MYLK: variants seen among roughly 807,000 people sequenced by gnomAD.
MYLK encodes the protein myosin light chain kinase.
A neutral mutation model predicts 203.4 loss-of-function variants in MYLK; 106 were observed. The observed-to-expected ratio is 0.52, with a 90% CI of 0.45 to 0.61. The LOEUF (loss-of-function observed/expected upper bound fraction) is 0.61, where lower values mean the gene tolerates loss of function less well. MYLK is among the 20% of genes least tolerant of loss of function. MYLK has a pLI of 0.00. For synonymous variants in MYLK, 867 were observed against 959.5 expected (o/e 0.90, Z 1.78); for missense variants, 2,072 against 2,442.3 (o/e 0.85, Z 3.20).
chr3:123,733,823 G>A lies in MYLK; in HGVS notation c.1173C>T (p.Ser391=), dbSNP rs375747284. ...TAGCAGCCTTGCTCACAACATCTTGGCTCCCCAGGCCAGGCTGCCTGGTGG... is the reference window on the plus strand; with the variant it reads ...TAGCAGCCTTGCTCACAACATCTTGACTCCCCAGGCCAGGCTGCCTGGTGG... ...TFPTRQPGLG[S]QDVVSKAANR... is the part of the protein sequence containing the mutation. Residue 391 remains serine (S), a synonymous_variant, in exon 10 of 34, where the codon AGC becomes AGT. Transcript: ENST00000360304. 1 of 1,614,072 alleles carries A rather than the reference G, an allele frequency of 6.2e-7. No individual in the cohort carries two copies. The highest frequency in any genetic ancestry group is 1.7e-5 in the Admixed American group (1 of 60,002).
intron 13 of MYLK, among the ~76,000 whole-genome samples, chr3:123,720,216 TG>T (rs530992630): frequency 2.9e-4 from 44 of 152,268 alleles, no homozygotes; most frequent in African/African-American, 1.1e-3. Flanking sequence ...TTCCTTTGGA[TG>T]GGTGGTGATC....
At chr3:123,617,970 G>C (rs144063625) in intron 33 of MYLK, 1 of 152,998 alleles carries the variant, frequency 6.5e-6, no homozygotes. Context: ...GCTTTGTCCC[G>C]GGTGCCTGGC....
At chr3:123,635,899 A>C (rs958428668) in intron 29 of MYLK, among the ~76,000 whole-genome samples, 4 of 152,224 alleles carry the variant, frequency 2.6e-5, no homozygotes, top group African/African-American at 9.7e-5. Flanking sequence ...GGGATACTAC[A>C]TAACACTGAG....
intron 23 of MYLK, among the ~76,000 whole-genome samples, chr3:123,657,681 C>T (rs1409418499): frequency 1.3e-5 from 2 of 152,216 alleles, no homozygotes; most frequent in Non-Finnish European, 2.9e-5. Context: ...TTCCAGTCTA[C>T]ATGCAAGTCA....
chr3:123,840,370 T>TTATATATATATATATATATA (rs56361020), intron 2 of MYLK, among the ~76,000 whole-genome samples: 91 of 148,664 alleles, frequency 6.1e-4, no homozygotes, highest in African/African-American at 2.2e-3. Context: ...CCTACAGACA[T>TTATATATATATATATATATA]TATATATATA....
Position 123,807,929 on chromosome 3 carries a change from G to T in MYLK, c.-3-14085C>A, listed in dbSNP as rs139740894. Reference sequence around the variant, plus strand: ...TGTGACAAGCTCTATGTTTCCACATGCAGTTCACCCCCTGCCCTCACTGCC... The same window carrying T: ...TGTGACAAGCTCTATGTTTCCACATTCAGTTCACCCCCTGCCCTCACTGCC... On this transcript the variant is annotated intron_variant, in intron 3 of 33. Transcript: ENST00000360304. Among the ~76,000 whole-genome samples the T allele has an allele frequency of 3.4e-3, 519 of 152,320 alleles. 3 individuals carry two copies. Among genetic ancestry groups the T allele is most frequent in the African/African-American group, 0.011 (475 of 41,568 alleles).
intron 2 of MYLK, among the ~76,000 whole-genome samples, chr3:123,842,620 T>C (rs1271665645): frequency 6.6e-6 from 1 of 152,216 alleles, no homozygotes; most frequent in East Asian, 1.9e-4. Context: ...AAGAATCATA[T>C]AGTCAATAAC....
chr3:123,808,175 G>A (rs1387421553), intron 3 of MYLK, among the ~76,000 whole-genome samples: 1 of 152,144 alleles, frequency 6.6e-6, no homozygotes, highest in Non-Finnish European at 1.5e-5. Context: ...CCCTGTTTCT[G>A]CTAGTTCCAC....
At chr3:123,777,151 T>C (rs770996953) in intron 4 of MYLK, among the ~76,000 whole-genome samples, 1 of 152,282 alleles carries the variant, frequency 6.6e-6, no homozygotes, top group Non-Finnish European at 1.5e-5. Flanking sequence ...CTGACTGTAT[T>C]ACTATAGTAC....
At chr3:123,677,230 T>C (rs1667302999) in intron 20 of MYLK, among the ~76,000 whole-genome samples, 1 of 152,192 alleles carries the variant, frequency 6.6e-6, no homozygotes, top group Admixed American at 6.5e-5. Flanking sequence ...AAGCTTTCCA[T>C]CCAACGGGCT....
Position 123,709,821 on chromosome 3 carries a change from AG to A in MYLK, c.1876del (p.Leu626CysfsTer17), listed in dbSNP as rs2108652052. On this transcript the variant is annotated frameshift_variant, in exon 14 of 34. Coordinates refer to ENST00000360304, the MANE Select transcript of MYLK (RefSeq NM_053025.4). LOFTEE classifies it high-confidence loss of function. ...GACTTTGAGATCAGAGAGGCCCTGC[AG>A]GAAGATGGGTGCAGTGGGCTTGCTG... ...APSKPTAPIF[L>X]QGLSDLKVMD... 1 of 1,614,240 alleles carries A rather than the reference AG, an allele frequency of 6.2e-7. No individual in the cohort carries two copies. The highest frequency in any genetic ancestry group is 2.2e-5 in the East Asian group (1 of 44,894).
intron 3 of MYLK, among the ~76,000 whole-genome samples, chr3:123,805,788 T>A (rs1446296742): frequency 6.6e-6 from 1 of 152,232 alleles, no homozygotes; most frequent in East Asian, 1.9e-4. Context: ...TTAACTTCTC[T>A]AAACCTCAAT....
In MYLK at chr3:123,708,756, G is replaced by A. The variant is rs748694046; in HGVS notation, c.2082C>T (p.Thr694=). ...CTCCAGCGCTGTTCCAGGCCTCGCAGGTGTACGTGCCCGTGTCCTCCGGGA... is the reference window on the plus strand; with the variant it reads ...CTCCAGCGCTGTTCCAGGCCTCGCAAGTGTACGTGCCCGTGTCCTCCGGGA... ...EVFPEDTGTY[T]CEAWNSAGEV... Residue 694 remains threonine, a synonymous_variant, in exon 15 of 34, where the codon ACC becomes ACT. Coordinates refer to ENST00000360304, the MANE Select transcript of MYLK (RefSeq NM_053025.4). 2.2e-5 allele frequency: 36 copies of A among 1,614,090 alleles called. No individual in the cohort carries two copies. Among genetic ancestry groups the A allele is most frequent in the Admixed American group, 3.3e-5 (2 of 60,010 alleles).
chr3:123,712,818 G>A (rs1687003438), intron 13 of MYLK, among the ~76,000 whole-genome samples: 1 of 152,162 alleles, frequency 6.6e-6, no homozygotes, highest in Admixed American at 6.5e-5. Flanking sequence ...GAGATAATAG[G>A]TAAAAATACT....
At position 123,708,418 on chromosome 3, in the gene MYLK, T is replaced by C. The variant is rs575237312; in HGVS notation, c.2140+280A>G. On this transcript the variant is annotated intron_variant, in intron 15 of 33. Transcript: ENST00000360304. ...CTCAAAATCTATCGCTGCCAAATTG[T>C]TAAGTGTATTACAGATTTCCCTCTT... 7.9e-5 allele frequency among the ~76,000 whole-genome samples: 12 copies of C among 152,308 alleles called. No individual in the cohort carries two copies. The South Asian group carries it at 2.5e-3, about 32-fold the overall frequency.
intron 4 of MYLK, among the ~76,000 whole-genome samples, chr3:123,774,636 T>G (rs1224469945): frequency 6.6e-6 from 1 of 152,176 alleles, no homozygotes; most frequent in Non-Finnish European, 1.5e-5. Context: ...ATGGCAAGGC[T>G]TCCTAGTCTT....
At chr3:123,851,893 G>T (rs1241788598) in intron 2 of MYLK, among the ~76,000 whole-genome samples, 23 of 152,102 alleles carry the variant, frequency 1.5e-4, no homozygotes, top group Non-Finnish European at 4.4e-5. Flanking sequence ...GTCATAAATA[G>T]CTCTTATTAT....
intron 2 of MYLK, among the ~76,000 whole-genome samples, chr3:123,870,805 G>T (rs1267174108): frequency 6.6e-6 from 1 of 152,188 alleles, no homozygotes; most frequent in African/African-American, 2.4e-5. Context: ...GACAGAGATG[G>T]TATAGCCTGC....
chr3:123,674,802 C>A (rs148773894), intron 20 of MYLK, among the ~76,000 whole-genome samples: 135 of 152,352 alleles, frequency 8.9e-4, no homozygotes, highest in African/African-American at 3.0e-3. Flanking sequence ...ATTCTTTGGG[C>A]AGGTCGCCCC....
Sources: allele counts gnomAD v4.1 joint callset (sites outside exome capture counted in the v4.1 genomes callset), GRCh38; gene constraint gnomAD v4.1.1; transcripts MANE v1.5; gene names NCBI Gene and HGNC (gene_info 2026-07-23, HGNC 2026-07-21).